Variants in CHST11 observed in about 807,000 individuals in gnomAD.
The protein encoded by CHST11 is C4S-1.
A neutral mutation model predicts 30.4 loss-of-function variants in CHST11; 9 were observed. The ratio of observed to expected loss-of-function variants is 0.30; its 90% CI spans 0.18 to 0.52. CHST11 has a LOEUF of 0.52. CHST11 is among the 20% of genes least tolerant of loss of function. CHST11 has a pLI of 0.97. For missense variants in CHST11, 348 were observed against 460.6 expected (o/e 0.76, Z 2.24); for synonymous variants, 152 against 187.8 (o/e 0.81, Z 1.56).
At chr12:104,491,622 C>T (rs2037747760) in intron 1 of CHST11, among the ~76,000 whole-genome samples, 1 of 152,036 alleles carries the variant, frequency 6.6e-6, no homozygotes, top group Non-Finnish European at 1.5e-5. Context: ...GTTTGTGCCA[C>T]CACACCTGGC....
At chr12:104,696,256 AC>A (rs200239277) in intron 2 of CHST11, among the ~76,000 whole-genome samples, 1,681 of 152,124 alleles carry the variant, frequency 0.011, 47 homozygotes, top group African/African-American at 0.038. Flanking sequence ...TATAATAAAC[AC>A]TTTTTACTCA....
At chr12:104,619,931 A>C (rs1048600620) in intron 2 of CHST11, among the ~76,000 whole-genome samples, 5 of 152,200 alleles carry the variant, frequency 3.3e-5, no homozygotes, top group Non-Finnish European at 7.4e-5. Context: ...CCAAATTTGA[A>C]TGGGAGAAAC....
chr12:104,647,762 T>C (rs552480134), intron 2 of CHST11, among the ~76,000 whole-genome samples: 2 of 152,318 alleles, frequency 1.3e-5, no homozygotes, highest in Non-Finnish European at 2.9e-5. Flanking sequence ...GAGAGTGGCT[T>C]AGTTGGACAT....
chr12:104,547,614 A>G (rs1329310500), intron 1 of CHST11, among the ~76,000 whole-genome samples: 2 of 152,194 alleles, frequency 1.3e-5, no homozygotes, highest in Non-Finnish European at 2.9e-5. Context: ...AATACATTGC[A>G]TGGTTTTGCT....
rs7139190 is a variant in CHST11, at chr12:104,517,421, A to G, written c.118+59892A>G. 3.0e-3 allele frequency among the ~76,000 whole-genome samples: 454 copies of G among 152,266 alleles called. 2 individuals are homozygous for G. The highest frequency in any genetic ancestry group is 0.011 in the African/African-American group (443 of 41,534). ...GAAGCTTGTCAATTTTAATGTCTGG[A>G]GAACCAGGGGGTGGTGTAGGGGCTT... is the stretch of plus-strand genomic sequence containing the variant. On this transcript the variant is annotated intron_variant, in intron 1 of 2. Coordinates refer to ENST00000303694, the MANE Select transcript of CHST11 (RefSeq NM_018413.6).
rs138894684 is a variant in CHST11, at chr12:104,537,922, G to A, written c.119-63984G>A. Among the ~76,000 whole-genome samples, 5 of 152,040 alleles carry A rather than the reference G, an allele frequency of 3.3e-5. No individual in the cohort carries two copies. The East Asian group carries it at 9.7e-4, about 29-fold the overall frequency. On this transcript the variant is annotated intron_variant, in intron 1 of 2. Transcript: ENST00000303694. ...TGTTGCCTAGGCTGCTTTTGAACTCGTGAGCTCAAGCGATCCTCCCACCTC... is the reference window on the plus strand; with the variant it reads ...TGTTGCCTAGGCTGCTTTTGAACTCATGAGCTCAAGCGATCCTCCCACCTC...
At chr12:104,471,629 A>G (rs1445558897) in intron 1 of CHST11, among the ~76,000 whole-genome samples, 2 of 152,224 alleles carry the variant, frequency 1.3e-5, no homozygotes, top group African/African-American at 2.4e-5. Flanking sequence ...TGTCCAGTGG[A>G]AATACACTGC....
rs189978270 is a variant in CHST11 at position 104,598,258 on chromosome 12, A to G, written c.119-3648A>G. Among the ~76,000 whole-genome samples, 9 of 152,284 alleles carry G rather than the reference A, an allele frequency of 5.9e-5. No individual in the cohort carries two copies. The East Asian group carries it at 1.7e-3, about 29-fold the overall frequency. On this transcript the variant is annotated intron_variant, in intron 1 of 2. Coordinates refer to ENST00000303694, the MANE Select transcript of CHST11 (RefSeq NM_018413.6). ...TTTACATATGACTAGCCCAGAAGTC[A>G]TTTGTGGCCCCTGGAAACCAAAAGC...
chr12:104,646,857 A>T (rs1259217033), intron 2 of CHST11, among the ~76,000 whole-genome samples: 3 of 152,142 alleles, frequency 2.0e-5, no homozygotes, highest in African/African-American at 7.2e-5. Context: ...TCATTTACTC[A>T]ATCATTCATT....
At chr12:104,705,587 A>T (rs1238245751) in intron 2 of CHST11, among the ~76,000 whole-genome samples, 1 of 152,182 alleles carries the variant, frequency 6.6e-6, no homozygotes, top group Non-Finnish European at 1.5e-5. Flanking sequence ...GCGAAATATT[A>T]ATATATAGCA....
intron 1 of CHST11, among the ~76,000 whole-genome samples, chr12:104,503,728 T>C (rs1236430185): frequency 6.6e-6 from 1 of 152,120 alleles, no homozygotes; most frequent in Non-Finnish European, 1.5e-5. Context: ...CTGATCTTCC[T>C]GGGAGTTCTG....
At chr12:104,551,196 A>G (rs2038401118) in intron 1 of CHST11, among the ~76,000 whole-genome samples, 1 of 152,140 alleles carries the variant, frequency 6.6e-6, no homozygotes, top group Non-Finnish European at 1.5e-5. Flanking sequence ...AAATGTGACG[A>G]TTTCCCCAGC....
At chr12:104,581,165 C>A (rs2038739606) in intron 1 of CHST11, among the ~76,000 whole-genome samples, 1 of 152,198 alleles carries the variant, frequency 6.6e-6, no homozygotes, top group Non-Finnish European at 1.5e-5. Flanking sequence ...ATGCTTCTTG[C>A]ATCCTTATCC....
chr12:104,587,715 G>A (rs1259981102), intron 1 of CHST11, among the ~76,000 whole-genome samples: 1 of 152,066 alleles, frequency 6.6e-6, no homozygotes, highest in Non-Finnish European at 1.5e-5. Context: ...TTACATAATA[G>A]AAATCTAATG....
chr12:104,701,580 GAC>G (rs1206674316), intron 2 of CHST11, among the ~76,000 whole-genome samples: 2 of 152,150 alleles, frequency 1.3e-5, no homozygotes, highest in Non-Finnish European at 2.9e-5. Flanking sequence ...AGAGGCTAAA[GAC>G]ACAGTTGTTC....
intron 2 of CHST11, among the ~76,000 whole-genome samples, chr12:104,712,753 CCT>C (rs1000755777): frequency 1.3e-5 from 2 of 152,170 alleles, no homozygotes; most frequent in African/African-American, 4.8e-5. Context: ...ATTCTTGAAA[CCT>C]CCCTCTACAA....
chr12:104,618,040 CT>C (rs979143902), intron 2 of CHST11, among the ~76,000 whole-genome samples: 2 of 151,660 alleles, frequency 1.3e-5, no homozygotes, highest in African/African-American at 4.8e-5. Flanking sequence ...TCCCGAGTAG[CT>C]GGGATTACAG....
At chr12:104,465,875 AT>A (rs939279373) in intron 1 of CHST11, among the ~76,000 whole-genome samples, 28 of 148,546 alleles carry the variant, frequency 1.9e-4, no homozygotes, top group South Asian at 4.3e-4. Context: ...ATTTAATTTA[AT>A]TTTTTTTTTT....
intron 1 of CHST11, among the ~76,000 whole-genome samples, chr12:104,524,894 A>G (rs1397552830): frequency 1.3e-5 from 2 of 151,966 alleles, no homozygotes; most frequent in Non-Finnish European, 2.9e-5. Context: ...CTCTGTGAAC[A>G]GAGCAAAGCA....
Sources: gnomAD v4.1 joint callset for allele counts (sites outside exome capture counted in the v4.1 genomes callset) on GRCh38, gnomAD v4.1.1 for gene constraint, MANE v1.5 for transcripts, NCBI Gene and HGNC (gene_info 2026-07-23, HGNC 2026-07-21) for gene names.